The following ZNF273 variants were observed in gnomAD, a reference collection of about 807,000 sequenced individuals.
The protein encoded by ZNF273 is zinc finger protein 273.
In ZNF273, 11 loss-of-function variants were observed where a neutral mutation model predicts 14.9. The observed-to-expected ratio is 0.74, with a 90% CI of 0.46 to 1.22. The LOEUF is 1.22. Ranked by LOEUF, ZNF273 falls within the 50% of genes most tolerant of loss-of-function variation. The probability of loss-of-function intolerance (pLI) is 0.00; values close to 1 mark genes in which losing one functional copy is unlikely to be tolerated. For missense variants in ZNF273, 577 were observed against 660.6 expected, an observed-to-expected ratio of 0.87 and a Z score of 1.39; for synonymous variants, 199 against 223.9, an observed-to-expected ratio of 0.89 and a Z score of 0.99.
intron 3 of ZNF273, chr7:64,924,404 A>G (rs1212020424): frequency 1.3e-5 from 2 of 152,196 alleles, no homozygotes; most frequent in South Asian, 2.1e-4. Flanking sequence ...CTTACTATAG[A>G]AAATGGGATA....
downstream of ZNF273, chr7:64,889,041 A>C: frequency 1.0e-6 from 1 of 986,012 alleles, no homozygotes; most frequent in Non-Finnish European, 1.2e-6. This position sits in a 1 kb window ranked among gnomAD's most constrained non-coding sequence, Gnocchi z 4.2. Flanking sequence ...TCCACAAAGC[A>C]GGAAGCGAAG....
rs776292435 is a variant in ZNF273, at chr7:64,928,329, C to CTA, written c.1002_1003dup (p.Lys335IlefsTer5). ...GGCTTTAGTATATTCTCAACCCTTA[C>CTA]TAAACATAAGATAATTCATACTGGA... On this transcript the variant is annotated frameshift_variant, in exon 4 of 4. Transcript: ENST00000476120. LOFTEE classifies it low-confidence loss of function (END_TRUNC). 6.8e-6 allele frequency: 11 copies of CTA among 1,613,560 alleles called. No individual in the cohort carries two copies. The highest frequency in any genetic ancestry group is 8.5e-6 in the Non-Finnish European group (10 of 1,179,802).
intron 1 of ZNF273, among the ~76,000 whole-genome samples, chr7:64,916,237 A>G (rs914032458): frequency 1.3e-5 from 2 of 151,968 alleles, no homozygotes; most frequent in African/African-American, 2.4e-5. Context: ...ACTTAAAATT[A>G]CTGTTAAAAA....
At chr7:64,925,753 TCCTCATTAC>T (rs895774048) in intron 3 of ZNF273, among the ~76,000 whole-genome samples, 5 of 152,224 alleles carry the variant, frequency 3.3e-5, no homozygotes, top group African/African-American at 1.2e-4. Context: ...CAAAGTTTTT[TCCTCATTAC>T]ATCTGCCCTC....
At chr7:64,902,485 T>C (rs1310563663), upstream of ZNF273, among the ~76,000 whole-genome samples, 1 of 152,210 alleles carries the variant, frequency 6.6e-6, no homozygotes, top group Non-Finnish European at 1.5e-5. Flanking sequence ...ATCCCAGCAC[T>C]TTGGGAAGCC....
chr7:64,880,065 C>A (rs538832946), downstream of ZNF273: 2 of 152,188 alleles, frequency 1.3e-5, no homozygotes, highest in African/African-American at 4.8e-5. Context: ...AGCGCGGGCT[C>A]GAGTCACAGT....
chr7:64,891,032 A>G (rs1403113273), downstream of ZNF273, among the ~76,000 whole-genome samples: 3 of 152,344 alleles, frequency 2.0e-5, no homozygotes, highest in Non-Finnish European at 1.5e-5. Flanking sequence ...TGGGCTCCCC[A>G]TTGCTCAAAA....
At chr7:64,888,197 C>A in intron 1 of ZNF273, 1 of 735,108 alleles carries the variant, frequency 1.4e-6, no homozygotes, top group Non-Finnish European at 1.7e-6. Flanking sequence ...CACCCCATTC[C>A]CTGAAGCCTG....
At chr7:64,902,350 A>G (rs1792774304), upstream of ZNF273, among the ~76,000 whole-genome samples, 1 of 152,210 alleles carries the variant, frequency 6.6e-6, no homozygotes, top group Non-Finnish European at 1.5e-5. Flanking sequence ...CGGATATTAA[A>G]TAATGTTATT....
At chr7:64,883,066 CTTT>C (rs1235054480), downstream of ZNF273, among the ~76,000 whole-genome samples, 1 of 152,030 alleles carries the variant, frequency 6.6e-6, no homozygotes, top group East Asian at 1.9e-4. Context: ...AGCGCTTTTT[CTTT>C]TTTTTCCGAG....
At chr7:64,879,875 G>A (rs983321713), downstream of ZNF273, 2 of 152,224 alleles carry the variant, frequency 1.3e-5, no homozygotes, top group Admixed American at 6.5e-5. Flanking sequence ...AACTAAGGAA[G>A]CCCTACGGTG....
intron 3 of ZNF273, among the ~76,000 whole-genome samples, chr7:64,926,677 A>G (rs1168633840): frequency 2.6e-5 from 4 of 152,192 alleles, no homozygotes; most frequent in Non-Finnish European, 5.9e-5. Flanking sequence ...AGATTTGGAC[A>G]TTAAAAACAA....
intron 1 of ZNF273, among the ~76,000 whole-genome samples, chr7:64,914,118 C>A (rs1055346671): frequency 6.6e-6 from 1 of 151,390 alleles, no homozygotes; most frequent in African/African-American, 2.4e-5. Flanking sequence ...AGCGATTCTC[C>A]CACCTCAGCC....
At chr7:64,917,394 C>G (rs1794082229) in intron 1 of ZNF273, among the ~76,000 whole-genome samples, 187 bp from the exon 2 acceptor site, 1 of 152,172 alleles carries the variant, frequency 6.6e-6, no homozygotes, top group Admixed American at 6.5e-5. Context: ...TTATGCTACT[C>G]TTTTCTCAGA....
At chr7:64,900,924 C>G (rs1792670220), upstream of ZNF273, among the ~76,000 whole-genome samples, 1 of 152,154 alleles carries the variant, frequency 6.6e-6, no homozygotes, top group South Asian at 2.1e-4. Context: ...GAACCTAACT[C>G]TGTGTGTGTC....
chr7:64,923,955 TGA>T (rs1794649972), intron 3 of ZNF273: 1 of 152,260 alleles, frequency 6.6e-6, no homozygotes, highest in Admixed American at 6.5e-5. Context: ...TATTGTCTCT[TGA>T]GATTCCATAT....
chr7:64,920,964 C>T (rs1794402937), intron 3 of ZNF273, among the ~76,000 whole-genome samples: 1 of 152,016 alleles, frequency 6.6e-6, no homozygotes, highest in Non-Finnish European at 1.5e-5. Context: ...GAATAGGGCA[C>T]CTTTTATTTT....
At chr7:64,912,175 T>C (rs923230786) in intron 1 of ZNF273, among the ~76,000 whole-genome samples, 1 of 152,184 alleles carries the variant, frequency 6.6e-6, no homozygotes, top group Non-Finnish European at 1.5e-5. Flanking sequence ...TTGGCCAGGC[T>C]GGTCTTGAAC....
chr7:64,883,616 G>C (rs1791403988), downstream of ZNF273, among the ~76,000 whole-genome samples: 1 of 152,174 alleles, frequency 6.6e-6, no homozygotes. Context: ...ACCATGGCCC[G>C]GTGCCCAGGT....
Sources: gnomAD v4.1 joint callset for allele counts (sites outside exome capture counted in the v4.1 genomes callset) on GRCh38, gnomAD v4.1.1 for gene constraint, Gnocchi (gnomAD v3.1) non-coding constraint, MANE v1.5 for transcripts, NCBI Gene and HGNC (gene_info 2026-07-23, HGNC 2026-07-21) for gene names.